The following SEC14L5 variants were observed in gnomAD, a reference collection of about 807,000 sequenced individuals.
SEC14L5 encodes the protein SEC14-like protein 5.
A neutral mutation model predicts 84.6 loss-of-function variants in SEC14L5; 96 were observed. That is an observed-to-expected ratio of 1.13 (90% CI 0.96 to 1.34). The LOEUF is 1.34. Ranked by LOEUF, SEC14L5 falls within the 40% of genes most tolerant of loss-of-function variation. SEC14L5 has a pLI of 0.00. For missense variants in SEC14L5, 1,224 were observed against 942.5 expected, an observed-to-expected ratio of 1.30 and a Z score of -3.91; for synonymous variants, 546 against 383.4, an observed-to-expected ratio of 1.42 and a Z score of -4.95.
At chr16:4,976,513 C>A (rs1236412238) in intron 2 of SEC14L5, among the ~76,000 whole-genome samples, 2 of 152,160 alleles carry the variant, frequency 1.3e-5, no homozygotes, top group African/African-American at 4.8e-5. Context: ...TTGGGAGGTT[C>A]TATGATTATT....
In SEC14L5 at chr16:5,011,220, G is replaced by T. The variant is rs1374391475; in HGVS notation, c.1926G>T (p.Gly642=). Residue 642 remains glycine (G), a synonymous_variant, in exon 15 of 16, where the codon GGG becomes GGT. Coordinates refer to ENST00000251170, the MANE Select transcript of SEC14L5 (RefSeq NM_014692.2). ...TCCTGACGGCTCTGCACAGCCCCGG[G>T]CCCAAGTGCAAACTTCTCTACTACT... ...DDVLTALHSP[G]PKCKLLYYCE... 6.2e-7 allele frequency: 1 copy of T among 1,613,754 alleles called. No homozygotes were observed. Among genetic ancestry groups the T allele is most frequent in the Non-Finnish European group, 8.5e-7 (1 of 1,179,894 alleles).
chr16:5,006,858 T>A (rs1224290591), intron 12 of SEC14L5, among the ~76,000 whole-genome samples: 2 of 151,836 alleles, frequency 1.3e-5, no homozygotes, highest in Non-Finnish European at 2.9e-5. Flanking sequence ...AATCATTGTT[T>A]GGTGGTGGCA....
At chr16:5,008,242 C>G (rs55638652) in intron 13 of SEC14L5, among the ~76,000 whole-genome samples, 179 bp from the exon 14 acceptor site, 39,027 of 152,034 alleles carry the variant, frequency 0.26, 5,968 homozygotes, top group Admixed American at 0.37. Flanking sequence ...TGCCAGTGAT[C>G]TGTTGCAGGC....
At chr16:5,013,521 G>C (rs1415737633) in intron 15 of SEC14L5, among the ~76,000 whole-genome samples, 7 of 149,010 alleles carry the variant, frequency 4.7e-5, no homozygotes, top group African/African-American at 1.5e-4. Context: ...CAAGTAGCTG[G>C]GACTATAGGC....
intron 2 of SEC14L5, among the ~76,000 whole-genome samples, chr16:4,972,731 C>T (rs556316634): frequency 6.6e-6 from 1 of 152,028 alleles, no homozygotes; most frequent in African/African-American, 2.4e-5. Flanking sequence ...TTTATCTGTT[C>T]ATCTGTTGAT....
At chr16:5,014,561 G>A (rs754020948) in intron 15 of SEC14L5, among the ~76,000 whole-genome samples, 5 of 152,240 alleles carry the variant, frequency 3.3e-5, no homozygotes. Context: ...AGGAGGGAGT[G>A]AGACTGGAGA....
rs1596638210 is a variant in SEC14L5, at chr16:5,000,877, G to C, written c.1082G>C (p.Gly361Ala). 1 of 1,608,586 alleles carries C rather than the reference G, an allele frequency of 6.2e-7. No homozygotes were observed. Among genetic ancestry groups the C allele is most frequent in the Non-Finnish European group, 8.5e-7 (1 of 1,177,644 alleles). ...LRHVLSVNEE[G>A]QKRCEGSTRQ... is the part of the protein sequence containing the mutation. The stretch of plus-strand genomic sequence containing the variant: ...CAGGTTCTCTCCGTCAACGAGGAAG[G>C]ACAGAAGCGGTGTGAGGGGAGCACA... The change falls in exon 10 of 16, where the codon GGA becomes GCA. Residue 361 changes from glycine (G) to alanine (A), a missense_variant. Transcript: ENST00000251170.
chr16:4,982,021 A>C (rs1298510105), intron 2 of SEC14L5, among the ~76,000 whole-genome samples: 1 of 152,088 alleles, frequency 6.6e-6, no homozygotes, highest in African/African-American at 2.4e-5. Flanking sequence ...CAGGATCCCC[A>C]TGGTGCATTC....
At chr16:4,978,025 C>T (rs1427957309) in intron 2 of SEC14L5, among the ~76,000 whole-genome samples, 1 of 149,058 alleles carries the variant, frequency 6.7e-6, no homozygotes, top group African/African-American at 2.5e-5. Context: ...TTGTCTTGAA[C>T]TCCTGGCCTC....
At chr16:5,009,395 C>G (rs932539444) in intron 14 of SEC14L5, among the ~76,000 whole-genome samples, 6 of 152,160 alleles carry the variant, frequency 3.9e-5, no homozygotes, top group African/African-American at 1.2e-4. Context: ...ATGATCACAG[C>G]TCACTACAGC....
rs1955115582 is a variant in SEC14L5 at position 4,961,115 on chromosome 16, C to CA, written c.63+1731dup. Among the ~76,000 whole-genome samples, 6 of 151,942 alleles carry CA rather than the reference C, an allele frequency of 3.9e-5. No homozygotes were observed. In the South Asian group the frequency reaches 8.3e-4, roughly 21 times the overall value. On this transcript the variant is annotated intron_variant, in intron 2 of 15. Transcript: ENST00000251170. ...TGAAACCCCAACTCAACTAAAAATA[C>CA]AAGAAAAATTAGCCGGGCGTGGTGG...
intron 2 of SEC14L5, among the ~76,000 whole-genome samples, chr16:4,970,969 G>A (rs1010272560): frequency 3.9e-5 from 6 of 152,110 alleles, no homozygotes; most frequent in African/African-American, 1.4e-4. Flanking sequence ...TTAGCTGGGC[G>A]TGACGGTATG....
intron 14 of SEC14L5, among the ~76,000 whole-genome samples, chr16:5,008,960 A>C (rs893895795): frequency 6.6e-6 from 1 of 152,218 alleles, no homozygotes; most frequent in Non-Finnish European, 1.5e-5. Context: ...ACAGGATCCA[A>C]CTGTATTTGT....
At chr16:5,006,166 A>T (rs554310782) in intron 12 of SEC14L5, 118 bp downstream of exon 12, 3 of 1,041,390 alleles carry the variant, frequency 2.9e-6, no homozygotes, top group South Asian at 1.5e-5. Context: ...CGGCATGTGC[A>T]CTCTGCCTAG....
Position 5,008,509 on chromosome 16 carries a change from C to T in SEC14L5, c.1661C>T (p.Thr554Ile). ...GACGTGGTGTTCAGCCTGTACCACA[C>T]CAAGCAGGCGCCCAGGCTGGGCGCC... ...RGDVVFSLYH[T>I]KQAPRLGARE... The change falls in exon 14 of 16, where the codon ACC (threonine) becomes ATC (isoleucine). Residue 554 changes from threonine to isoleucine, a missense_variant. Thr to Ile is a moderately conservative substitution (Grantham distance 89). Transcript: ENST00000251170. The T allele has an allele frequency of 6.2e-7, 1 of 1,611,618 alleles. No individual in the cohort carries two copies. The highest frequency in any genetic ancestry group is 8.5e-7 in the Non-Finnish European group (1 of 1,179,080).
chr16:4,971,424 A>G (rs1371512539), intron 2 of SEC14L5, among the ~76,000 whole-genome samples: 1 of 152,192 alleles, frequency 6.6e-6, no homozygotes, highest in East Asian at 1.9e-4. Context: ...TTGCCACTGC[A>G]CTCCAGCCTG....
rs949064181 is a variant in SEC14L5, at chr16:4,996,394, C to G, written c.714C>G (p.Leu238=). ...ADYIERCLGH[L]TPMQESCLIQ... is the part of the protein sequence containing the mutation. ...ACATTGAGAGGTGCCTGGGCCACCTCACGCCCATGCAGGAGAGCTGCCTGA... is the reference window on the plus strand; with the variant it reads ...ACATTGAGAGGTGCCTGGGCCACCTGACGCCCATGCAGGAGAGCTGCCTGA... Residue 238 remains leucine (L), a synonymous_variant, in exon 7 of 16, where the codon CTC becomes CTG. Transcript: ENST00000251170. 2 of 1,570,906 alleles carry G rather than the reference C, an allele frequency of 1.3e-6. No homozygotes were observed. Among genetic ancestry groups the G allele is most frequent in the Non-Finnish European group, 1.7e-6 (2 of 1,158,944 alleles).
At chr16:5,004,135 G>A (rs1342329486) in intron 11 of SEC14L5, among the ~76,000 whole-genome samples, 2 of 152,162 alleles carry the variant, frequency 1.3e-5, no homozygotes, top group Admixed American at 1.3e-4. Flanking sequence ...GCAAAAAAGA[G>A]CAAAAGGGAC....
chr16:5,001,238 T>A (rs1290945661), intron 10 of SEC14L5, among the ~76,000 whole-genome samples: 1 of 148,774 alleles, frequency 6.7e-6, no homozygotes, highest in African/African-American at 2.5e-5. Flanking sequence ...CTCAACAGTC[T>A]CCTTGACTTT....
Sources: allele counts gnomAD v4.1 joint callset (sites outside exome capture counted in the v4.1 genomes callset), GRCh38; gene constraint gnomAD v4.1.1; transcripts MANE v1.5; gene names NCBI Gene and HGNC (gene_info 2026-07-23, HGNC 2026-07-21).